The following ROBO2 variants were observed in gnomAD, a reference collection of about 807,000 sequenced individuals.
The protein encoded by ROBO2 is roundabout homolog 2.
A neutral mutation model predicts 160.8 loss-of-function variants in ROBO2; 53 were observed. The ratio of observed to expected loss-of-function variants is 0.33; its 90% CI spans 0.26 to 0.41. ROBO2 has a LOEUF of 0.41. Among genes scored for constraint, ROBO2 ranks in the 10% least tolerant of loss-of-function variants. ROBO2 has a pLI of 1.00. For missense variants in ROBO2, 1,577 were observed against 1,722.4 expected, an observed-to-expected ratio of 0.92 and a Z score of 1.49; for synonymous variants, 664 against 611.7, an observed-to-expected ratio of 1.09 and a Z score of -1.26.
intron 1 of ROBO2, among the ~76,000 whole-genome samples, chr3:75,914,767 G>C (rs762870070): frequency 6.6e-6 from 1 of 152,174 alleles, no homozygotes; most frequent in Non-Finnish European, 1.5e-5. Flanking sequence ...CCCAGTTTCA[G>C]AGATACAGTA....
chr3:77,154,147 A>G (rs1403378509), intron 2 of ROBO2, among the ~76,000 whole-genome samples: 1 of 152,092 alleles, frequency 6.6e-6, no homozygotes, highest in African/African-American at 2.4e-5. Flanking sequence ...TGAGAACATA[A>G]TCTACACTAA....
chr3:76,697,893 G>A (rs1576054822), intron 2 of ROBO2, among the ~76,000 whole-genome samples: 2 of 152,250 alleles, frequency 1.3e-5, no homozygotes, highest in East Asian at 1.9e-4. Context: ...GGTGGCATTT[G>A]AATAGTATCT....
At chr3:77,603,553 A>G (rs2094471209) in intron 20 of ROBO2, among the ~76,000 whole-genome samples, 1 of 152,208 alleles carries the variant, frequency 6.6e-6, no homozygotes, top group Admixed American at 6.5e-5. Context: ...TTAATATGGG[A>G]AATTAATATT....
At chr3:76,821,115 C>T (rs1232126855) in intron 2 of ROBO2, among the ~76,000 whole-genome samples, 36 of 151,848 alleles carry the variant, frequency 2.4e-4, no homozygotes. Context: ...TAATCTTCTG[C>T]GTATTGTCAA....
chr3:76,879,026 C>G (rs2073072296), intron 2 of ROBO2, among the ~76,000 whole-genome samples: 1 of 152,082 alleles, frequency 6.6e-6, no homozygotes, highest in Non-Finnish European at 1.5e-5. Flanking sequence ...TAATAATATT[C>G]TTAAATTTGA....
At chr3:76,876,164 C>A (rs2148710902) in intron 2 of ROBO2, among the ~76,000 whole-genome samples, 1 of 152,248 alleles carries the variant, frequency 6.6e-6, no homozygotes, top group East Asian at 1.9e-4. Context: ...AACCAAACAC[C>A]AAGTTGGAGA....
intron 1 of ROBO2, among the ~76,000 whole-genome samples, chr3:77,049,410 T>G (rs1311133235): frequency 6.6e-6 from 1 of 152,208 alleles, no homozygotes; most frequent in Non-Finnish European, 1.5e-5. Flanking sequence ...AACAGTCTAT[T>G]GTCTAATATG....
At chr3:76,728,611 T>C (rs2093587950) in intron 2 of ROBO2, among the ~76,000 whole-genome samples, 1 of 152,176 alleles carries the variant, frequency 6.6e-6, no homozygotes, top group South Asian at 2.1e-4. Context: ...ACTCATATAT[T>C]ACAATTATGT....
intron 2 of ROBO2, among the ~76,000 whole-genome samples, chr3:76,494,238 G>A (rs975223664): frequency 6.6e-6 from 1 of 152,112 alleles, no homozygotes; most frequent in African/African-American, 2.4e-5. Flanking sequence ...CATGTGTAAG[G>A]GAGGCAAAAT....
At chr3:77,147,035 A>G (rs1189354251) in intron 2 of ROBO2, among the ~76,000 whole-genome samples, 3 of 152,174 alleles carry the variant, frequency 2.0e-5, no homozygotes, top group African/African-American at 4.8e-5. Context: ...CTGGGGACTC[A>G]TATCTGGGAT....
At chr3:77,154,438 A>G (rs1228628138) in intron 2 of ROBO2, among the ~76,000 whole-genome samples, 3 of 152,068 alleles carry the variant, frequency 2.0e-5, no homozygotes, top group Non-Finnish European at 2.9e-5. Context: ...GTTCACCACT[A>G]TGGAAAGTAG....
chr3:76,149,623 T>A (rs2072071377), intron 2 of ROBO2, among the ~76,000 whole-genome samples: 1 of 128,304 alleles, frequency 7.8e-6, no homozygotes, highest in Admixed American at 7.5e-5. Flanking sequence ...AAAACACACA[T>A]CTGTCTAAAG....
intron 2 of ROBO2, among the ~76,000 whole-genome samples, chr3:76,680,358 TAAA>T (rs3066796): frequency 0.53 from 75,677 of 143,502 alleles, 19,918 homozygotes; most frequent in East Asian, 0.77. Flanking sequence ...ATGGATATAT[TAAA>T]AAAAAAAAAA....
chr3:77,449,232 A>C (rs971624241), intron 2 of ROBO2, among the ~76,000 whole-genome samples: 4 of 152,122 alleles, frequency 2.6e-5, no homozygotes, highest in Non-Finnish European at 4.4e-5. Flanking sequence ...AGTTCATAGA[A>C]TGAAATAAGC....
chr3:77,448,581 AT>A (rs748128712), intron 2 of ROBO2, among the ~76,000 whole-genome samples: 4,662 of 152,268 alleles, frequency 0.031, 101 homozygotes, highest in South Asian at 0.077. Flanking sequence ...TAACTAATGG[AT>A]ACACCTTTTA....
rs543914708 is a variant in ROBO2 at position 76,816,654 on chromosome 3, C to T, written c.110-281360C>T. ...TGTCTTCCACAACTATTGTGGAAGACAGTGTGGCAATTCCTCAAGGATTTA... is the reference window on the plus strand; with the variant it reads ...TGTCTTCCACAACTATTGTGGAAGATAGTGTGGCAATTCCTCAAGGATTTA... On this transcript the variant is annotated intron_variant, in intron 2 of 26. Coordinates refer to the ROBO2 transcript ENST00000487694. Among the ~76,000 whole-genome samples the T allele has an allele frequency of 2.8e-3, 426 of 152,044 alleles. 8 individuals carry two copies. The highest frequency in any genetic ancestry group is 2.5e-3 in the East Asian group (13 of 5,138).
At chr3:76,117,202 T>C (rs2070508357) in intron 2 of ROBO2, among the ~76,000 whole-genome samples, 1 of 152,194 alleles carries the variant, frequency 6.6e-6, no homozygotes, top group South Asian at 2.1e-4. Context: ...ACACATTTCA[T>C]GTAGAGTGAA....
chr3:76,753,511 T>A (rs2060795943), intron 2 of ROBO2, among the ~76,000 whole-genome samples: 1 of 151,870 alleles, frequency 6.6e-6, no homozygotes, highest in African/African-American at 2.4e-5. Flanking sequence ...AGATGAATTT[T>A]GTCAAAGGCT....
chr3:76,756,138 G>A (rs1034945582), intron 2 of ROBO2, among the ~76,000 whole-genome samples: 8 of 151,570 alleles, frequency 5.3e-5, no homozygotes, highest in African/African-American at 1.9e-4. Context: ...TGGTCTATTG[G>A]CCAGGCTCAA....
Sources: gnomAD v4.1 joint callset for allele counts (sites outside exome capture counted in the v4.1 genomes callset) on GRCh38, gnomAD v4.1.1 for gene constraint, MANE v1.5 for transcripts, NCBI Gene and HGNC (gene_info 2026-07-23, HGNC 2026-07-21) for gene names.